MET: variants seen among roughly 807,000 people sequenced by gnomAD.
MET encodes the protein hepatocyte growth factor receptor.
In MET, 48 loss-of-function variants were observed where a neutral mutation model predicts 133.1. The ratio of observed to expected loss-of-function variants is 0.36; its 90% CI spans 0.29 to 0.46. The LOEUF is 0.46. Ranked by LOEUF, MET falls within the 20% of genes least tolerant of loss-of-function variation. The pLI is 1.00. For missense variants in MET, 1,442 were observed against 1,695.9 expected (o/e 0.85, Z 2.63); for synonymous variants, 628 against 616.5 (o/e 1.02, Z -0.28).
intron 11 of MET, among the ~76,000 whole-genome samples, chr7:116,765,800 G>T (rs751942482): frequency 1.3e-5 from 2 of 152,162 alleles, no homozygotes; most frequent in African/African-American, 4.8e-5. Context: ...GACCCATGAG[G>T]TTGGGAGGTC....
At chr7:116,714,145 A>C (rs561091466) in intron 2 of MET, among the ~76,000 whole-genome samples, 1 of 152,242 alleles carries the variant, frequency 6.6e-6, no homozygotes, top group African/African-American at 2.4e-5. Context: ...GCTGCTAACC[A>C]AAAACACATG....
chr7:116,777,186 T>C (rs74957944), intron 15 of MET, among the ~76,000 whole-genome samples: 1,630 of 152,336 alleles, frequency 0.011, 30 homozygotes, highest in African/African-American at 0.037. Flanking sequence ...CTTATATCCT[T>C]GGGTGAAATG....
intron 2 of MET, among the ~76,000 whole-genome samples, chr7:116,709,863 G>A (rs529009892): frequency 6.6e-6 from 1 of 152,208 alleles, no homozygotes; most frequent in African/African-American, 2.4e-5. Context: ...ATGTTCTAAA[G>A]TACAATAATA....
At chr7:116,760,975 C>T (rs1397283936) in intron 10 of MET, among the ~76,000 whole-genome samples, 1 of 152,090 alleles carries the variant, frequency 6.6e-6, no homozygotes, top group Non-Finnish European at 1.5e-5. Flanking sequence ...AATAGTGACC[C>T]TCTTTGGTGT....
intron 11 of MET, among the ~76,000 whole-genome samples, chr7:116,768,758 C>G (rs986692396): frequency 6.6e-6 from 1 of 152,148 alleles, no homozygotes; most frequent in Admixed American, 6.6e-5. Context: ...TATGTCACCT[C>G]AAAATAATAG....
At position 116,775,126 on chromosome 7, in the gene MET, T is replaced by C. The variant is rs781505735; in HGVS notation, c.3259+15T>C. 1 of 1,612,378 alleles carries C rather than the reference T, an allele frequency of 6.2e-7. No homozygotes were observed. The highest frequency in any genetic ancestry group is 1.1e-5 in the South Asian group (1 of 91,048). ...CATAGGAAGAGGTAAGTATTTCCAC[T>C]CAGCTTTTTGTTAAATACGATTTTC... On this transcript the variant is annotated intron_variant, in intron 15 of 20. Coordinates refer to ENST00000397752, the MANE Select transcript of MET (RefSeq NM_000245.4).
At chr7:116,673,948 GA>G (rs565182900) in intron 1 of MET, among the ~76,000 whole-genome samples, 128 of 152,236 alleles carry the variant, frequency 8.4e-4, no homozygotes, top group African/African-American at 2.3e-3. Context: ...ATAACAGAGG[GA>G]AAATTTACAT....
At chr7:116,751,825 G>A (rs888746872) in intron 5 of MET, among the ~76,000 whole-genome samples, 11 of 152,122 alleles carry the variant, frequency 7.2e-5, no homozygotes, top group African/African-American at 1.2e-4. Flanking sequence ...ACTTTGGGAG[G>A]CCGAGGTGGG....
chr7:116,762,962 C>T, intron 10 of MET, 88 bp from the exon 11 acceptor site: 1 of 1,093,280 alleles, frequency 9.1e-7, no homozygotes, highest in Non-Finnish European at 1.4e-6. Flanking sequence ...TATATATTTT[C>T]AATTGATTGG....
intron 19 of MET, among the ~76,000 whole-genome samples, chr7:116,794,616 C>T (rs1795614990): frequency 6.6e-6 from 1 of 152,208 alleles, no homozygotes; most frequent in Admixed American, 6.5e-5. Flanking sequence ...CTACACTTGC[C>T]TCTCAGTTTT....
In MET at chr7:116,685,484, A is replaced by G. The variant is rs539119346; in HGVS notation, c.-15+12907A>G. ...TGAGGCGGGTGGTGGTCAGGAGTTC[A>G]AGACCAGCCTGGCCAACATGGTGAA... On this transcript the variant is annotated intron_variant, in intron 1 of 20. Coordinates refer to ENST00000397752, the MANE Select transcript of MET (RefSeq NM_000245.4). Among the ~76,000 whole-genome samples, 6 of 152,078 alleles carry G rather than the reference A, an allele frequency of 3.9e-5. No individual in the cohort carries two copies. The South Asian group carries it at 1.2e-3, about 32-fold the overall frequency.
At chr7:116,751,916 C>G (rs1002741309) in intron 5 of MET, among the ~76,000 whole-genome samples, 9 of 152,158 alleles carry the variant, frequency 5.9e-5, no homozygotes, top group African/African-American at 1.7e-4. Context: ...GAAAAATTAG[C>G]TAGGCATGGT....
chr7:116,725,188 A>G (rs1792693506), intron 2 of MET, among the ~76,000 whole-genome samples: 2 of 152,170 alleles, frequency 1.3e-5, no homozygotes, highest in African/African-American at 4.8e-5. Context: ...AACTCTCTGA[A>G]TCTTAGTTTC....
At chr7:116,706,069 G>A (rs748841205) in intron 2 of MET, among the ~76,000 whole-genome samples, 8 of 152,130 alleles carry the variant, frequency 5.3e-5, no homozygotes, top group Middle Eastern at 3.4e-3. Context: ...AAAAGCAAAG[G>A]CATGATGTTT....
rs1286623650 is a variant in MET, at chr7:116,757,624, T to C, written c.1966-14T>C. On this transcript the variant is annotated splice_polypyrimidine_tract_variant and intron_variant, in intron 7 of 20. Coordinates refer to ENST00000397752, the MANE Select transcript of MET (RefSeq NM_000245.4). Reference sequence around the variant, plus strand: ...TGAACAAGTTACTTTGTTTTGTTTTTATCTCCCCTCCAGGATCCTGTAATA... The same window carrying C: ...TGAACAAGTTACTTTGTTTTGTTTTCATCTCCCCTCCAGGATCCTGTAATA... 6.2e-7 allele frequency: 1 copy of C among 1,614,002 alleles called. No individual in the cohort carries two copies. The highest frequency in any genetic ancestry group is 1.1e-5 in the South Asian group (1 of 91,082).
chr7:116,788,392 GC>G (rs1465774539), intron 19 of MET, among the ~76,000 whole-genome samples: 1 of 152,090 alleles, frequency 6.6e-6, no homozygotes, highest in Non-Finnish European at 1.5e-5. Context: ...TAAAAAAAGA[GC>G]CTGATGAAAT....
intron 5 of MET, among the ~76,000 whole-genome samples, chr7:116,754,004 G>A (rs569147645): frequency 5.9e-5 from 9 of 152,246 alleles, no homozygotes; most frequent in Admixed American, 5.2e-4. Flanking sequence ...GTGAGGTGGC[G>A]CACACCTGTA....
chr7:116,697,042 C>T (rs1315774152), intron 1 of MET, among the ~76,000 whole-genome samples: 1 of 152,160 alleles, frequency 6.6e-6, no homozygotes, highest in Non-Finnish European at 1.5e-5. Flanking sequence ...GCTAGTCATC[C>T]TTATAGGAGA....
At chr7:116,725,487 C>T (rs539767695) in intron 2 of MET, among the ~76,000 whole-genome samples, 3 of 108,826 alleles carry the variant, frequency 2.8e-5, no homozygotes. Flanking sequence ...TATATATATA[C>T]ACACACACAA....
Sources: gnomAD v4.1 joint callset for allele counts (sites outside exome capture counted in the v4.1 genomes callset) on GRCh38, gnomAD v4.1.1 for gene constraint, MANE v1.5 for transcripts, NCBI Gene and HGNC (gene_info 2026-07-23, HGNC 2026-07-21) for gene names.